The following METTL25 variants were observed in gnomAD, a reference collection of about 807,000 sequenced individuals.
METTL25 encodes methyltransferase like 25.
In METTL25, 64 loss-of-function variants were observed where a neutral mutation model predicts 71.6. The observed-to-expected ratio is 0.89, with a 90% confidence interval of 0.73 to 1.10. The LOEUF is 1.10. Among genes scored for constraint, METTL25 ranks in the 50% least tolerant of loss-of-function variants. The pLI, the probability that METTL25 is intolerant of heterozygous loss-of-function variation, is 0.00. For synonymous variants in METTL25, 287 were observed against 250.3 expected (o/e 1.15, Z -1.38); for missense variants, 807 against 707.0 (o/e 1.14, Z -1.60).
intron 1 of METTL25, among the ~76,000 whole-genome samples, chr12:82,375,301 T>A (rs1883717234): frequency 6.6e-6 from 1 of 151,888 alleles, no homozygotes; most frequent in Non-Finnish European, 1.5e-5. Flanking sequence ...ATAAAAGAGG[T>A]ACAAGGAAGC....
chr12:82,447,688 A>C (rs1188755032), intron 8 of METTL25, among the ~76,000 whole-genome samples: 1 of 152,148 alleles, frequency 6.6e-6, no homozygotes, highest in Non-Finnish European at 1.5e-5. Context: ...GGAGAAGTAC[A>C]TATAGAAATC....
chr12:82,412,557 C>A (rs757797665), intron 5 of METTL25, among the ~76,000 whole-genome samples: 1 of 152,108 alleles, frequency 6.6e-6, no homozygotes, highest in Non-Finnish European at 1.5e-5. Context: ...TTTTCCATTC[C>A]ACTGGCTTTC....
chr12:82,378,870 ATAAATT>A (rs1341695475), intron 1 of METTL25, among the ~76,000 whole-genome samples: 1 of 152,106 alleles, frequency 6.6e-6, no homozygotes, highest in Non-Finnish European at 1.5e-5. Flanking sequence ...TCTAGAAAAA[ATAAATT>A]TAAAAAATTA....
intron 1 of METTL25, among the ~76,000 whole-genome samples, chr12:82,361,200 G>T (rs926953713): frequency 2.0e-5 from 3 of 152,138 alleles, no homozygotes; most frequent in Non-Finnish European, 4.4e-5. Flanking sequence ...AGTTCTCCTA[G>T]TCCCCACTAG....
intron 1 of METTL25, among the ~76,000 whole-genome samples, chr12:82,364,226 T>G (rs1220477169): frequency 6.6e-6 from 1 of 152,216 alleles, no homozygotes; most frequent in Non-Finnish European, 1.5e-5. Flanking sequence ...GAAGGCTTGA[T>G]TGAGGCTGAA....
intron 9 of METTL25, among the ~76,000 whole-genome samples, chr12:82,465,223 T>C (rs767904858): frequency 2.6e-5 from 4 of 152,132 alleles, no homozygotes; most frequent in South Asian, 2.1e-4. Context: ...CCTTTCAGTA[T>C]GATGTTAGCT....
intron 5 of METTL25, among the ~76,000 whole-genome samples, chr12:82,429,360 T>C (rs1317836321): frequency 7.5e-6 from 1 of 133,566 alleles, no homozygotes. Flanking sequence ...TCTACCCATA[T>C]TGCTGCAAAT....
chr12:82,433,500 T>G lies in METTL25; in HGVS notation c.1375-1195T>G, dbSNP rs895396453. Among the ~76,000 whole-genome samples the G allele has an allele frequency of 2.0e-5, 3 of 151,672 alleles. No homozygotes were observed. In the East Asian group the frequency reaches 5.8e-4, roughly 29 times the overall value. On this transcript the variant is annotated intron_variant, in intron 6 of 11. Transcript: ENST00000248306. Reference sequence around the variant, plus strand: ...AAATGGGAATATTACATTTTTTTTCTTCAAACCATTTCCGTGAAGCCAGTT... The same window carrying G: ...AAATGGGAATATTACATTTTTTTTCGTCAAACCATTTCCGTGAAGCCAGTT...
At chr12:82,468,105 T>C (rs1246361357) in intron 9 of METTL25, among the ~76,000 whole-genome samples, 1 of 152,096 alleles carries the variant, frequency 6.6e-6, no homozygotes, top group East Asian at 1.9e-4. Context: ...GTATGATTTT[T>C]CTAACCTAGT....
intron 6 of METTL25, among the ~76,000 whole-genome samples, chr12:82,433,233 G>A (rs923925211): frequency 3.3e-5 from 5 of 151,300 alleles, no homozygotes; most frequent in African/African-American, 7.3e-5. Context: ...ACACCAAATC[G>A]CCTCTTTTTA....
Position 82,389,883 on chromosome 12 carries a change from G to A in METTL25, c.492G>A (p.Glu164=), listed in dbSNP as rs1408163865. The change falls in exon 3 of 12, where the codon GAG becomes GAA. Residue 164 remains glutamate (E), a synonymous_variant. Transcript: ENST00000248306. ...KKSHEVQAMS[E]LISSIADYYG... ...CTCATGAAGTTCAGGCAATGTCAGA[G>A]CTGATCAGCAGTATTGCTGACTACT... 2 of 1,599,698 alleles carry A rather than the reference G, an allele frequency of 1.3e-6. No individual in the cohort carries two copies. The highest frequency in any genetic ancestry group is 2.2e-5 in the East Asian group (1 of 44,472).
intron 9 of METTL25, among the ~76,000 whole-genome samples, chr12:82,457,953 A>G (rs903200488): frequency 1.2e-4 from 19 of 152,096 alleles, no homozygotes; most frequent in African/African-American, 3.6e-4. Context: ...ACCTAGTGCA[A>G]ACCTTTAGTG....
In METTL25 at chr12:82,388,299, T is replaced by A. The variant is rs1038898115; in HGVS notation, c.424+1332T>A. ...CCCTTTTATCTTTGAGTCCAATTCTTTTATTATTATTTTAATTTTTTAAAT... is the reference window on the plus strand; with the variant it reads ...CCCTTTTATCTTTGAGTCCAATTCTATTATTATTATTTTAATTTTTTAAAT... On this transcript the variant is annotated intron_variant, in intron 2 of 11. Coordinates refer to ENST00000248306, the MANE Select transcript of METTL25 (RefSeq NM_032230.3). Among the ~76,000 whole-genome samples, 3 of 152,030 alleles carry A rather than the reference T, an allele frequency of 2.0e-5. 1 individual carries two copies. Among genetic ancestry groups the A allele is most frequent in the African/African-American group, 7.2e-5 (3 of 41,416 alleles).
chr12:82,363,559 C>A (rs1882204209), intron 1 of METTL25, among the ~76,000 whole-genome samples: 1 of 152,120 alleles, frequency 6.6e-6, no homozygotes, highest in Non-Finnish European at 1.5e-5. Flanking sequence ...TAAGCAGAGA[C>A]ATCAGCTGCT....
chr12:82,410,305 T>C (rs1887454568), intron 5 of METTL25, among the ~76,000 whole-genome samples: 1 of 152,150 alleles, frequency 6.6e-6, no homozygotes, highest in African/African-American at 2.4e-5. Context: ...AGTCCATTAA[T>C]GGCAATGAAT....
rs113811939 is a variant in METTL25, at chr12:82,365,583, A to T, written c.259+6759A>T. ...GTGTTCTTGGGAAGTAATGACTGTA[A>T]GTGTAAATCTGTAACATTCTCAGCA... On this transcript the variant is annotated intron_variant, in intron 1 of 11. Coordinates refer to ENST00000248306, the MANE Select transcript of METTL25 (RefSeq NM_032230.3). Among the ~76,000 whole-genome samples the T allele has an allele frequency of 3.9e-3, 594 of 152,328 alleles. 3 individuals are homozygous for T. The highest frequency in any genetic ancestry group is 0.014 in the African/African-American group (567 of 41,576).
intron 9 of METTL25, among the ~76,000 whole-genome samples, chr12:82,474,168 T>G (rs1449113655): frequency 6.6e-6 from 1 of 152,104 alleles, no homozygotes; most frequent in Non-Finnish European, 1.5e-5. Context: ...GGATGGTAAG[T>G]GTTTGTGGTA....
At chr12:82,429,823 C>G (rs1889343565) in intron 5 of METTL25, among the ~76,000 whole-genome samples, 1 of 151,244 alleles carries the variant, frequency 6.6e-6, no homozygotes, top group Admixed American at 6.6e-5. Flanking sequence ...TATTTATATT[C>G]CTAGGGAGGA....
chr12:82,360,247 T>C (rs1881659182), intron 1 of METTL25, among the ~76,000 whole-genome samples: 1 of 152,224 alleles, frequency 6.6e-6, no homozygotes, highest in Non-Finnish European at 1.5e-5. Context: ...TTACATATTC[T>C]AATAATAATT....
Sources: gnomAD v4.1 joint callset for allele counts (sites outside exome capture counted in the v4.1 genomes callset) on GRCh38, gnomAD v4.1.1 for gene constraint, MANE v1.5 for transcripts, NCBI Gene and HGNC (gene_info 2026-07-23, HGNC 2026-07-21) for gene names.